Variants in FAM193A observed in about 807,000 individuals in gnomAD.
FAM193A encodes protein FAM193A.
FAM193A carries 22 observed loss-of-function variants against 126.5 expected under a neutral mutation model. The ratio of observed to expected loss-of-function variants is 0.17; its 90% CI spans 0.12 to 0.25. The LOEUF is 0.25. FAM193A is among the 10% of genes least tolerant of loss of function. FAM193A has a pLI of 1.00. For synonymous variants in FAM193A, 761 were observed against 646.8 expected, an observed-to-expected ratio of 1.18 and a Z score of -2.68; for missense variants, 1,675 against 1,672.8, an observed-to-expected ratio of 1.00 and a Z score of -0.02.
chr4:2,569,025 A>G (rs1739137078), intron 1 of FAM193A, among the ~76,000 whole-genome samples: 1 of 121,808 alleles, frequency 8.2e-6, no homozygotes, highest in Non-Finnish European at 1.6e-5. Flanking sequence ...GCTGGAGTGT[A>G]ATGGTATGAT....
In FAM193A at chr4:2,630,948, G is replaced by A. The variant is rs1743506638; in HGVS notation, c.817G>A (p.Asp273Asn). ...KELVDRLCERDPYQLYQRLEQ... is the reference protein window; with the variant it reads ...KELVDRLCERNPYQLYQRLEQ... ...TTCTCTGTGCAGGCTCTGCGAGAGG[G>A]ACCCCTACCAGCTGTACCAGCGTCT... The change falls in exon 5 of 21, where the codon GAC (aspartate) becomes AAC (asparagine). Residue 273 changes from aspartate (D) to asparagine (N), a missense_variant. By Grantham distance (23) the Asp-to-Asn change is conservative. Coordinates refer to ENST00000637812, the MANE Select transcript of FAM193A (RefSeq NM_001366318.2). 2.5e-6 allele frequency: 4 copies of A among 1,598,036 alleles called. No individual in the cohort carries two copies. The highest frequency in any genetic ancestry group is 2.6e-6 in the Non-Finnish European group (3 of 1,167,102).
chr4:2,656,632 C>G (rs1711720967), intron 7 of FAM193A, among the ~76,000 whole-genome samples: 1 of 152,198 alleles, frequency 6.6e-6, no homozygotes, highest in Non-Finnish European at 1.5e-5. Flanking sequence ...TGCGTGTGTC[C>G]TCCTGTTCTC....
chr4:2,595,071 C>T (rs779718294), intron 1 of FAM193A, among the ~76,000 whole-genome samples: 22 of 150,504 alleles, frequency 1.5e-4, no homozygotes, highest in Non-Finnish European at 3.0e-4. Context: ...TTTTTTGACA[C>T]GGGGTCTTGC....
At chr4:2,639,904 A>G (rs375753785) in intron 6 of FAM193A, 45 bp downstream of exon 6, 2 of 1,592,872 alleles carry the variant, frequency 1.3e-6, no homozygotes, top group Non-Finnish European at 1.7e-6. Flanking sequence ...GTGACAGCAC[A>G]GTCTTTTCTC....
chr4:2,712,070 CTT>C (rs1293946263), intron 19 of FAM193A, among the ~76,000 whole-genome samples: 1 of 151,888 alleles, frequency 6.6e-6, no homozygotes, highest in Non-Finnish European at 1.5e-5. Context: ...GAGAATATTG[CTT>C]TTGTTTTGCA....
intron 19 of FAM193A, among the ~76,000 whole-genome samples, chr4:2,711,227 T>G (rs1200818396): frequency 1.3e-5 from 2 of 152,218 alleles, no homozygotes; most frequent in Non-Finnish European, 2.9e-5. Context: ...CATTTTGTTT[T>G]TTCTTCCATT....
rs115865709 is a variant in FAM193A at position 2,549,180 on chromosome 4, G to T, written c.255+12010G>T. ...TCTTGAACTCCTGACCTTAAGTGAT[G>T]GGCCCACCTCAGCCTCCCAAAGTGC... is the stretch of plus-strand genomic sequence containing the variant. On this transcript the variant is annotated intron_variant, in intron 1 of 20. Transcript: ENST00000637812. 5.2e-3 allele frequency among the ~76,000 whole-genome samples: 792 copies of T among 151,170 alleles called. 11 individuals are homozygous for T. Among genetic ancestry groups the T allele is most frequent in the African/African-American group, 0.018 (728 of 41,282 alleles).
At chr4:2,682,831 A>G (rs1715307001) in intron 13 of FAM193A, among the ~76,000 whole-genome samples, 1 of 131,442 alleles carries the variant, frequency 7.6e-6, no homozygotes, top group Non-Finnish European at 1.7e-5. Flanking sequence ...TCACTTATCC[A>G]CATGTTTATC....
chr4:2,731,062 G>A (rs113477975), intron 20 of FAM193A, among the ~76,000 whole-genome samples: 1 of 151,942 alleles, frequency 6.6e-6, no homozygotes, highest in Non-Finnish European at 1.5e-5. Context: ...TGGACGTGGT[G>A]GTGGGCACCT....
At chr4:2,660,097 C>A in intron 10 of FAM193A, 43 bp downstream of exon 10, 1 of 1,598,260 alleles carries the variant, frequency 6.3e-7, no homozygotes, top group African/African-American at 1.3e-5. Flanking sequence ...ATTTAAGTCG[C>A]CCCAGTAATG....
chr4:2,620,025 C>T (rs768775849), intron 2 of FAM193A, among the ~76,000 whole-genome samples: 5 of 152,140 alleles, frequency 3.3e-5, no homozygotes, highest in Non-Finnish European at 7.4e-5. Flanking sequence ...GCTTTTCCTC[C>T]TTCTTAGGAG....
intron 1 of FAM193A, among the ~76,000 whole-genome samples, chr4:2,587,135 CT>C (rs1448797327): frequency 6.6e-6 from 1 of 152,178 alleles, no homozygotes; most frequent in Non-Finnish European, 1.5e-5. Flanking sequence ...GTTCTGCAAG[CT>C]GTGTAAGAAG....
At chr4:2,725,229 TAC>T (rs1387224569) in intron 20 of FAM193A, among the ~76,000 whole-genome samples, 2 of 151,798 alleles carry the variant, frequency 1.3e-5, no homozygotes, top group African/African-American at 4.8e-5. Context: ...TGTATGTATA[TAC>T]ACACACATAT....
intron 1 of FAM193A, among the ~76,000 whole-genome samples, chr4:2,549,623 C>G (rs977146782): frequency 6.6e-6 from 1 of 150,954 alleles, no homozygotes; most frequent in African/African-American, 2.4e-5. Flanking sequence ...GTCTCGATCT[C>G]CTGACCTCGT....
intron 2 of FAM193A, chr4:2,615,030 C>T (rs1019311714): frequency 1.3e-5 from 2 of 152,112 alleles, no homozygotes; most frequent in Non-Finnish European, 2.9e-5. Flanking sequence ...CAAAGAACCA[C>T]ATTTTGTTTT....
At chr4:2,632,725 G>A (rs1479995870) in intron 5 of FAM193A, among the ~76,000 whole-genome samples, 1 of 152,096 alleles carries the variant, frequency 6.6e-6, no homozygotes, top group African/African-American at 2.4e-5. Flanking sequence ...CCTGTTTCAA[G>A]GTCTGAGTCC....
At chr4:2,686,761 G>T (rs535034512) in intron 13 of FAM193A, among the ~76,000 whole-genome samples, 6 of 152,132 alleles carry the variant, frequency 3.9e-5, no homozygotes, top group Admixed American at 2.0e-4. Context: ...TACCAGCTGG[G>T]CCGGCACAAT....
At chr4:2,672,468 C>A (rs1713932060) in intron 13 of FAM193A, 96 bp downstream of exon 13, 8 of 1,311,726 alleles carry the variant, frequency 6.1e-6, no homozygotes. Context: ...TAGCAACTTG[C>A]ATAGGATAGC....
At chr4:2,615,591 T>A (rs1742132558) in intron 2 of FAM193A, among the ~76,000 whole-genome samples, 1 of 152,192 alleles carries the variant, frequency 6.6e-6, no homozygotes, top group South Asian at 2.1e-4. Context: ...CGATCTCGGC[T>A]CACTGCAACC....
Sources: gnomAD v4.1 joint callset for allele counts (sites outside exome capture counted in the v4.1 genomes callset) on GRCh38, gnomAD v4.1.1 for gene constraint, MANE v1.5 for transcripts, NCBI Gene and HGNC (gene_info 2026-07-23, HGNC 2026-07-21) for gene names.